CDIN1: variants seen among roughly 807,000 people sequenced by gnomAD.
CDIN1 encodes the protein CDAN1-interacting nuclease 1.
In CDIN1, 33 loss-of-function variants were observed where a neutral mutation model predicts 45.3. The ratio of observed to expected loss-of-function variants is 0.73; its 90% CI spans 0.55 to 0.97. CDIN1 has a LOEUF of 0.97. Ranked by LOEUF, CDIN1 falls within the 50% of genes least tolerant of loss-of-function variation. The pLI is 0.00. For synonymous variants in CDIN1, 118 were observed against 124.4 expected, an observed-to-expected ratio of 0.95 and a Z score of 0.34; for missense variants, 303 against 339.4, an observed-to-expected ratio of 0.89 and a Z score of 0.84.
intron 10 of CDIN1, among the ~76,000 whole-genome samples, chr15:36,727,021 G>A (rs1031420463): frequency 1.3e-5 from 2 of 151,904 alleles, no homozygotes; most frequent in Non-Finnish European, 2.9e-5. Flanking sequence ...CAGGTTCCTG[G>A]CCTTCTTTTA....
chr15:36,590,621 T>C (rs1198322724), intron 1 of CDIN1, among the ~76,000 whole-genome samples: 1 of 152,126 alleles, frequency 6.6e-6, no homozygotes, highest in Non-Finnish European at 1.5e-5. Context: ...TCATCATTGC[T>C]CCCCACCCCC....
Position 36,808,794 on chromosome 15 carries a change from T to G in CDIN1, c.*341T>G, listed in dbSNP as rs1018117843. Reference sequence around the variant, plus strand: ...AAGAAAAAATGTGAAGACTGAAAGGTGTGATTTTTCAATTCTCCTCCCAGT... The same window carrying G: ...AAGAAAAAATGTGAAGACTGAAAGGGGTGATTTTTCAATTCTCCTCCCAGT... On this transcript the variant is annotated 3_prime_UTR_variant, in exon 11 of 11. Transcript: ENST00000566621. 24 of 461,722 alleles carry G rather than the reference T, an allele frequency of 5.2e-5. No homozygotes were observed. Among genetic ancestry groups the G allele is most frequent in the Non-Finnish European group, 9.9e-5 (23 of 232,478 alleles). The allele number at this position is 461,722 out of a possible 1,614,324, so 28.6% of individuals were successfully genotyped here.
intron 10 of CDIN1, among the ~76,000 whole-genome samples, chr15:36,774,505 GT>G (rs751015194): frequency 1.3e-5 from 2 of 151,160 alleles, no homozygotes; most frequent in Admixed American, 6.6e-5. Context: ...AAAAAAAAAA[GT>G]TTTTCTCTGA....
At chr15:36,805,196 A>G (rs1455995914) in intron 10 of CDIN1, among the ~76,000 whole-genome samples, 1 of 152,114 alleles carries the variant, frequency 6.6e-6, no homozygotes, top group Non-Finnish European at 1.5e-5. Flanking sequence ...TTTAAAATCC[A>G]TTGGGGGTCT....
intron 7 of CDIN1, 140 bp from the exon 8 acceptor site, chr15:36,697,183 G>T: frequency 1.4e-6 from 1 of 700,578 alleles, no homozygotes; most frequent in Non-Finnish European, 2.5e-6. Flanking sequence ...TTATTTAAAT[G>T]AGGGGATGTG....
At chr15:36,786,793 G>C (rs2054502895) in intron 10 of CDIN1, among the ~76,000 whole-genome samples, 1 of 152,016 alleles carries the variant, frequency 6.6e-6, no homozygotes, top group South Asian at 2.1e-4. Context: ...TGCTCTGATA[G>C]TACCTCCTAG....
chr15:36,605,861 A>G (rs1328177751), intron 1 of CDIN1, among the ~76,000 whole-genome samples: 1 of 152,186 alleles, frequency 6.6e-6, no homozygotes, highest in East Asian at 1.9e-4. Flanking sequence ...AAGTGCTTTT[A>G]AGTTTTCCTG....
chr15:36,763,212 G>A (rs939378345), intron 10 of CDIN1, among the ~76,000 whole-genome samples: 9 of 152,286 alleles, frequency 5.9e-5, no homozygotes, highest in Admixed American at 5.9e-4. Flanking sequence ...GTATCTCGTT[G>A]TGGTTTTTAT....
chr15:36,626,698 G>A (rs1187313624), intron 1 of CDIN1: 5 of 418,982 alleles, frequency 1.2e-5, no homozygotes, highest in Non-Finnish European at 2.4e-5. Context: ...AGTGGGAGGA[G>A]GTGCTATTCT....
intron 10 of CDIN1, among the ~76,000 whole-genome samples, chr15:36,730,956 A>G (rs975528006): frequency 6.6e-6 from 1 of 152,000 alleles, no homozygotes; most frequent in Non-Finnish European, 1.5e-5. Flanking sequence ...ACGCCTGGCA[A>G]CTCTAAAGCC....
At chr15:36,619,531 A>T (rs1246791168) in intron 1 of CDIN1, among the ~76,000 whole-genome samples, 3 of 149,114 alleles carry the variant, frequency 2.0e-5, no homozygotes, top group East Asian at 3.9e-4. Context: ...ATCCATCCAC[A>T]CACACATATA....
intron 10 of CDIN1, among the ~76,000 whole-genome samples, chr15:36,717,265 T>C (rs1167760323): frequency 6.6e-6 from 1 of 152,194 alleles, no homozygotes; most frequent in Admixed American, 6.6e-5. Flanking sequence ...ATGATAGAGA[T>C]AGTGAGCATA....
rs577324152 is a variant in CDIN1, at chr15:36,619,477, A to ATCTG, written c.102-24798_102-24797insGTCT. Among the ~76,000 whole-genome samples, 359 of 115,900 alleles carry ATCTG rather than the reference A, an allele frequency of 3.1e-3. 2 individuals are homozygous for ATCTG. Among genetic ancestry groups the ATCTG allele is most frequent in the African/African-American group, 0.012 (351 of 29,642 alleles). The allele number at this position is 115,900 out of a possible 152,430, so 76.0% of individuals were successfully genotyped here. ...TATAAATGCTGGAGGATTTCTATCTATCTATCTATCTATCTATCTATCTAT... is the reference window on the plus strand; with the variant it reads ...TATAAATGCTGGAGGATTTCTATCTATCTGTCTATCTATCTATCTATCTATCTAT... On this transcript the variant is annotated intron_variant, in intron 1 of 10. Coordinates refer to ENST00000566621, the MANE Select transcript of CDIN1 (RefSeq NM_001321759.2).
chr15:36,619,401 G>T lies in CDIN1; in HGVS notation c.102-24877G>T, dbSNP rs2039047117. 4 of 340,440 alleles carry T rather than the reference G, an allele frequency of 1.2e-5. No individual in the cohort carries two copies. In the East Asian group the frequency reaches 1.9e-4, roughly 17 times the overall value. 21.1% of individuals were successfully genotyped at this position (340,440 alleles called of 1,614,324 possible). On this transcript the variant is annotated intron_variant, in intron 1 of 10. Coordinates refer to ENST00000566621, the MANE Select transcript of CDIN1 (RefSeq NM_001321759.2). ...GAAAGTACATCCTTAAATCATTATG[G>T]ATTTTGGAGTTGTGAGTGATAGGAT...
At chr15:36,682,541 A>G (rs1261256677) in intron 5 of CDIN1, among the ~76,000 whole-genome samples, 2 of 150,830 alleles carry the variant, frequency 1.3e-5, no homozygotes, top group Non-Finnish European at 3.0e-5. Flanking sequence ...TGGGAAGCTG[A>G]GGCAGGTGGA....
chr15:36,648,199 T>A (rs575649488), intron 3 of CDIN1, among the ~76,000 whole-genome samples: 148 of 152,244 alleles, frequency 9.7e-4, no homozygotes, highest in African/African-American at 3.3e-3. Flanking sequence ...AGATCTCTAC[T>A]GGCATTTTTC....
At chr15:36,726,823 G>A (rs1291913529) in intron 10 of CDIN1, among the ~76,000 whole-genome samples, 1 of 151,204 alleles carries the variant, frequency 6.6e-6, no homozygotes, top group Non-Finnish European at 1.5e-5. Flanking sequence ...CCAGTATAAG[G>A]CATTTTTTTT....
At chr15:36,727,909 G>C (rs1327036420) in intron 10 of CDIN1, among the ~76,000 whole-genome samples, 1 of 152,042 alleles carries the variant, frequency 6.6e-6, no homozygotes, top group African/African-American at 2.4e-5. Flanking sequence ...ATACAACTCA[G>C]TATTGTAAAA....
intron 1 of CDIN1, chr15:36,619,076 T>C: frequency 2.5e-6 from 3 of 1,181,976 alleles, no homozygotes; most frequent in Non-Finnish European, 3.6e-6. Context: ...TAGAAGTCCC[T>C]TGAGAAACCA....
Sources: allele counts gnomAD v4.1 joint callset (sites outside exome capture counted in the v4.1 genomes callset), GRCh38; gene constraint gnomAD v4.1.1; transcripts MANE v1.5; gene names NCBI Gene and HGNC (gene_info 2026-07-23, HGNC 2026-07-21).